The following TFCP2L1 variants were observed in gnomAD, a reference collection of about 807,000 sequenced individuals.
TFCP2L1 encodes the protein transcription factor CP2-like protein 1.
TFCP2L1 carries 12 observed loss-of-function variants against 72.2 expected under a neutral mutation model. That is an observed-to-expected ratio of 0.17 (90% CI 0.11 to 0.27). The LOEUF is 0.27. TFCP2L1 is among the 10% of genes least tolerant of loss of function. TFCP2L1 has a pLI of 1.00. For synonymous variants in TFCP2L1, 260 were observed against 251.0 expected (o/e 1.04, Z -0.34); for missense variants, 488 against 624.6 (o/e 0.78, Z 2.33).
intron 6 of TFCP2L1, among the ~76,000 whole-genome samples, chr2:121,245,900 G>A (rs572429774): frequency 4.6e-5 from 7 of 152,342 alleles, no homozygotes; most frequent in Admixed American, 3.3e-4. Context: ...AAAGGGCCCT[G>A]TCTAAAGCAA....
intron 2 of TFCP2L1, among the ~76,000 whole-genome samples, chr2:121,264,145 C>G (rs1686883516): frequency 1.3e-5 from 2 of 152,176 alleles, no homozygotes. Context: ...GGTCGCATGG[C>G]CACATCAATT....
chr2:121,260,181 T>G (rs2104727960), intron 2 of TFCP2L1, among the ~76,000 whole-genome samples: 1 of 151,856 alleles, frequency 6.6e-6, no homozygotes, highest in African/African-American at 2.4e-5. Flanking sequence ...CCCAGAGAGG[T>G]GCTGACCTGC....
rs560617207 is a variant in TFCP2L1 at position 121,234,722 on chromosome 2, C to T, written c.1094+499G>A. On this transcript the variant is annotated intron_variant, in intron 11 of 14. Coordinates refer to ENST00000263707, the MANE Select transcript of TFCP2L1 (RefSeq NM_014553.3). ...AAAATTTCGTCCATCACATCAGCCT[C>T]GGTCCAAGTGCTCCACAGCCACATG... Among the ~76,000 whole-genome samples, 4 of 152,344 alleles carry T rather than the reference C, an allele frequency of 2.6e-5. No individual in the cohort carries two copies. In the South Asian group the frequency reaches 6.2e-4, roughly 24 times the overall value.
At position 121,239,628 on chromosome 2, in the gene TFCP2L1, C is replaced by A. The variant is rs1428991535; in HGVS notation, c.790G>T (p.Ala264Ser). Residue 264 changes from alanine to serine, a missense_variant, in exon 8 of 15, where the codon GCC (alanine) becomes TCC (serine). Coordinates refer to ENST00000263707, the MANE Select transcript of TFCP2L1 (RefSeq NM_014553.3). The part of the protein sequence containing the change: ...LTECSPWPDV[A>S]YQVNSAPSPS... ...GACGGGGCGCTGTTCACCTGGTAGG[C>A]CACGTCGGGCCATGGAGAGCACTGC... 1 of 1,614,152 alleles carries A rather than the reference C, an allele frequency of 6.2e-7. No individual in the cohort carries two copies. The highest frequency in any genetic ancestry group is 1.7e-5 in the Admixed American group (1 of 60,024).
chr2:121,246,285 C>T (rs116355810), intron 6 of TFCP2L1, among the ~76,000 whole-genome samples: 2 of 152,064 alleles, frequency 1.3e-5, no homozygotes, highest in East Asian at 3.9e-4. Flanking sequence ...TAGTGACAGG[C>T]GACTGTAGGG....
rs972570326 is a variant in TFCP2L1, at chr2:121,249,529, GCCCCTCT to G, written c.291+35_291+41del. ...GCCCAGGTGCCCAGACCCTAATCAA[GCCCCTCT>G]CCCCGAGGCAATGAGAACAGCCTGT... On this transcript the variant is annotated intron_variant, in intron 3 of 14. Transcript: ENST00000263707. 8 of 1,599,266 alleles carry G rather than the reference GCCCCTCT, an allele frequency of 5.0e-6. No homozygotes were observed. The African/African-American group carries it at 1.1e-4, about 21-fold the overall frequency.
At position 121,248,811 on chromosome 2, in the gene TFCP2L1, G is replaced by A. The variant is rs2304665; in HGVS notation, c.397+171C>T. On this transcript the variant is annotated intron_variant, in intron 4 of 14. Coordinates refer to ENST00000263707, the MANE Select transcript of TFCP2L1 (RefSeq NM_014553.3). ...TTTCCACTGAAAAAGGGGACTCCTCGAGGGCAGGACCCAGTGTATGGTCAG... is the reference window on the plus strand; with the variant it reads ...TTTCCACTGAAAAAGGGGACTCCTCAAGGGCAGGACCCAGTGTATGGTCAG... 2.5e-4 allele frequency among the ~76,000 whole-genome samples: 38 copies of A among 152,278 alleles called. No individual in the cohort carries two copies. In the East Asian group the frequency reaches 6.0e-3, roughly 24 times the overall value.
At chr2:121,224,529 AG>A in intron 14 of TFCP2L1, 142 bp from the exon 15 acceptor site, 1 of 751,538 alleles carries the variant, frequency 1.3e-6, no homozygotes, top group South Asian at 1.7e-5. Flanking sequence ...TGCTGGCAGA[AG>A]CAGGGATCTC....
At chr2:121,258,711 T>C (rs931989101) in intron 2 of TFCP2L1, among the ~76,000 whole-genome samples, 1 of 152,240 alleles carries the variant, frequency 6.6e-6, no homozygotes, top group African/African-American at 2.4e-5. Context: ...ACTGAAGATC[T>C]GTCCAGATTC....
chr2:121,260,904 C>G (rs1573385555), intron 2 of TFCP2L1, among the ~76,000 whole-genome samples: 1 of 152,330 alleles, frequency 6.6e-6, no homozygotes, highest in Non-Finnish European at 1.5e-5. Context: ...GTTTACTTTC[C>G]TACAGTTACT....
At chr2:121,274,563 AT>A (rs1687109197) in intron 2 of TFCP2L1, among the ~76,000 whole-genome samples, 1 of 152,204 alleles carries the variant, frequency 6.6e-6, no homozygotes, top group African/African-American at 2.4e-5. Context: ...CTCATTATGG[AT>A]ATGCAAATAT....
At chr2:121,250,460 A>AAAAT (rs1553433414) in intron 2 of TFCP2L1, among the ~76,000 whole-genome samples, 47 of 151,014 alleles carry the variant, frequency 3.1e-4, no homozygotes, top group African/African-American at 1.1e-3. Context: ...TATCTCAAAA[A>AAAAT]ATATATATAT....
intron 11 of TFCP2L1, 131 bp downstream of exon 11, chr2:121,235,090 G>C: frequency 1.1e-6 from 1 of 875,812 alleles, no homozygotes; most frequent in Non-Finnish European, 1.8e-6. Context: ...TCCTACACTT[G>C]ACCCCACACT....
At chr2:121,235,013 T>G (rs1313062326) in intron 11 of TFCP2L1, among the ~76,000 whole-genome samples, 1 of 152,252 alleles carries the variant, frequency 6.6e-6, no homozygotes, top group Non-Finnish European at 1.5e-5. Context: ...CTGCGGCAGC[T>G]GGCCACATCT....
chr2:121,246,619 C>T (rs1338573648), intron 6 of TFCP2L1, among the ~76,000 whole-genome samples, 199 bp downstream of exon 6: 1 of 152,198 alleles, frequency 6.6e-6, no homozygotes, highest in East Asian at 1.9e-4. Flanking sequence ...GAAAAGATGC[C>T]CCCAGCAGGG....
chr2:121,252,052 A>G (rs569893053), intron 2 of TFCP2L1, among the ~76,000 whole-genome samples: 4 of 152,044 alleles, frequency 2.6e-5, no homozygotes, highest in Admixed American at 2.0e-4. Flanking sequence ...ATTCTATTCT[A>G]TTCTATTCTA....
chr2:121,237,679 T>C lies in TFCP2L1; in HGVS notation c.947A>G (p.Gln316Arg). ...LPSASIQDAQ[Q>R]WLHRNRFSQF... Reference sequence around the variant, plus strand: ...CGAGAACCTGTTGCGGTGAAGCCACTGCTGGGCATCCTGGATCGAAGCTGA... The same window carrying C: ...CGAGAACCTGTTGCGGTGAAGCCACCGCTGGGCATCCTGGATCGAAGCTGA... Residue 316 changes from glutamine to arginine, a missense_variant, in exon 10 of 15, where the codon CAG becomes CGG. Around this residue, in one of 3 missense-constraint regions of TFCP2L1, gnomAD observed 286 missense variants for 329.0 expected, o/e 0.87. Transcript: ENST00000263707. The C allele has an allele frequency of 1.2e-6, 2 of 1,614,216 alleles. No individual in the cohort carries two copies. Among genetic ancestry groups the C allele is most frequent in the South Asian group, 1.1e-5 (1 of 91,088 alleles).
chr2:121,285,037 G>T lies in TFCP2L1; in HGVS notation c.62+11C>A. 1 of 1,491,950 alleles carries T rather than the reference G, an allele frequency of 6.7e-7. No homozygotes were observed. Among genetic ancestry groups the T allele is most frequent in the South Asian group, 1.3e-5 (1 of 78,366 alleles). The allele number at this position is 1,491,950 out of a possible 1,614,324, so 92.4% of individuals were successfully genotyped here. ...GGCCCGAGACCCGCGGGGACCGCGC[G>T]CGGCCCTTACCGCAGGTAGCTGCCG... On this transcript the variant is annotated intron_variant, in intron 1 of 14. Coordinates refer to ENST00000263707, the MANE Select transcript of TFCP2L1 (RefSeq NM_014553.3).
chr2:121,216,990 C>G lies in TFCP2L1; in HGVS notation c.*7351G>C, dbSNP rs1558719948. 2.0e-5 allele frequency: 3 copies of G among 152,402 alleles called. No homozygotes were observed. The highest frequency in any genetic ancestry group is 4.4e-5 in the Non-Finnish European group (3 of 68,192). The allele number at this position is 152,402 out of a possible 1,614,324, so 9.4% of individuals were successfully genotyped here. Reference sequence around the variant, plus strand: ...CTCTTCTGTGGTTAACCAAGCAAGCCCCGCAAAGCTTTTCCCAGCAGAGCA... The same window carrying G: ...CTCTTCTGTGGTTAACCAAGCAAGCGCCGCAAAGCTTTTCCCAGCAGAGCA... On this transcript the variant is annotated 3_prime_UTR_variant, in exon 15 of 15. Coordinates refer to ENST00000263707, the MANE Select transcript of TFCP2L1 (RefSeq NM_014553.3).
Sources: gnomAD v4.1 joint callset for allele counts (sites outside exome capture counted in the v4.1 genomes callset) on GRCh38, gnomAD v4.1.1 for gene constraint, gnomAD v4.1.1 regional missense constraint, MANE v1.5 for transcripts, NCBI Gene and HGNC (gene_info 2026-07-23, HGNC 2026-07-21) for gene names.